CNTNAP2: variants seen among roughly 807,000 people sequenced by gnomAD.
CNTNAP2 encodes the protein contactin associated protein 2, also known as contactin-associated protein-like 2.
Under a neutral mutation model 155.2 loss-of-function variants are expected in CNTNAP2, and 98 were observed. The observed-to-expected ratio is 0.63, with a 90% CI of 0.54 to 0.75. The LOEUF (loss-of-function observed/expected upper bound fraction) is 0.75, where lower values mean the gene tolerates loss of function less well. CNTNAP2 is among the 30% of genes least tolerant of loss of function. The probability of loss-of-function intolerance (pLI) is 0.00; values close to 1 mark genes in which losing one functional copy is unlikely to be tolerated. For synonymous variants in CNTNAP2, 651 were observed against 631.2 expected (o/e 1.03, Z -0.47); for missense variants, 1,727 against 1,688.1 (o/e 1.02, Z -0.40).
At chr7:146,524,146 CAT>C (rs949394704) in intron 1 of CNTNAP2, among the ~76,000 whole-genome samples, 65 of 152,110 alleles carry the variant, frequency 4.3e-4, no homozygotes, top group African/African-American at 1.4e-3. Context: ...CTAGTTGAAA[CAT>C]AGACTCACTA....
chr7:148,199,942 C>A (rs1795341129), intron 18 of CNTNAP2, among the ~76,000 whole-genome samples: 1 of 152,182 alleles, frequency 6.6e-6, no homozygotes, highest in Admixed American at 6.5e-5. Flanking sequence ...GTCCTGGAGT[C>A]CAAAGGCTGG....
At chr7:146,990,570 T>G (rs920994066) in intron 3 of CNTNAP2, among the ~76,000 whole-genome samples, 9 of 152,074 alleles carry the variant, frequency 5.9e-5, no homozygotes, top group African/African-American at 2.2e-4. Flanking sequence ...TTCTCCCTGA[T>G]TTCTCTTCCC....
chr7:146,934,014 C>A (rs202042228), intron 3 of CNTNAP2, among the ~76,000 whole-genome samples: 5 of 152,040 alleles, frequency 3.3e-5, no homozygotes, highest in East Asian at 3.9e-4. Flanking sequence ...TAGTTCAACC[C>A]TTGTGGAAGT....
Position 146,202,452 on chromosome 7 carries a change from T to TA in CNTNAP2, c.97+85485dup, listed in dbSNP as rs1186118910. Among the ~76,000 whole-genome samples the TA allele has an allele frequency of 1.4e-4, 21 of 152,274 alleles. No individual in the cohort carries two copies. In the East Asian group the frequency reaches 2.5e-3, roughly 18 times the overall value. On this transcript the variant is annotated intron_variant, in intron 1 of 23. Transcript: ENST00000361727. Reference sequence around the variant, plus strand: ...ATTCTAATTTGAATGTTAAAAATGTTAAAAAACTTAATGCCTGTGTATAAA... The same window carrying TA: ...ATTCTAATTTGAATGTTAAAAATGTTAAAAAAACTTAATGCCTGTGTATAAA...
intron 13 of CNTNAP2, among the ~76,000 whole-genome samples, chr7:147,666,705 C>T (rs759062073): frequency 2.0e-5 from 3 of 152,102 alleles, no homozygotes; most frequent in Non-Finnish European, 2.9e-5. Context: ...TTATTCATCA[C>T]GGTCCTTAAT....
chr7:146,484,454 A>AT (rs1797025226), intron 1 of CNTNAP2, among the ~76,000 whole-genome samples: 2 of 152,196 alleles, frequency 1.3e-5, no homozygotes, highest in African/African-American at 4.8e-5. Context: ...TAGGTGTGAG[A>AT]TTTTGTTTTA....
At chr7:147,493,208 G>A (rs553383578) in intron 11 of CNTNAP2, among the ~76,000 whole-genome samples, 9 of 152,130 alleles carry the variant, frequency 5.9e-5, no homozygotes, top group Non-Finnish European at 1.3e-4. Context: ...TTCAATAAAT[G>A]CTCTTTGAAA....
chr7:147,848,346 A>G (rs1430346454), intron 13 of CNTNAP2, among the ~76,000 whole-genome samples: 1 of 150,136 alleles, frequency 6.7e-6, no homozygotes, highest in South Asian at 2.1e-4. Flanking sequence ...TTCGGGTGGG[A>G]GTGACCCGAT....
chr7:147,721,390 GTC>G (rs1229513938), intron 13 of CNTNAP2, among the ~76,000 whole-genome samples: 1 of 151,992 alleles, frequency 6.6e-6, no homozygotes, highest in Non-Finnish European at 1.5e-5. Context: ...GTTAACTTTA[GTC>G]TCAAGTAAAC....
intron 1 of CNTNAP2, among the ~76,000 whole-genome samples, chr7:146,348,301 A>G (rs1411883258): frequency 6.6e-6 from 1 of 152,088 alleles, no homozygotes; most frequent in Non-Finnish European, 1.5e-5. Flanking sequence ...GGCAGGCACC[A>G]GTAATCCCAG....
intron 1 of CNTNAP2, among the ~76,000 whole-genome samples, chr7:146,524,795 A>T (rs801961): frequency 0.028 from 4,326 of 152,242 alleles, 201 homozygotes; most frequent in African/African-American, 0.098. Flanking sequence ...AAAGTAAACC[A>T]TAGCAAATCA....
chr7:147,350,349 C>G (rs937149622), intron 9 of CNTNAP2, among the ~76,000 whole-genome samples: 2 of 151,862 alleles, frequency 1.3e-5, no homozygotes, highest in African/African-American at 4.8e-5. Flanking sequence ...GTTGTATTAA[C>G]TTAAATTTTC....
At chr7:147,319,403 A>G (rs2692152) in intron 9 of CNTNAP2, among the ~76,000 whole-genome samples, 74,655 of 152,014 alleles carry the variant, frequency 0.49, 19,499 homozygotes, top group East Asian at 0.73. Flanking sequence ...TTAAGACAAC[A>G]GTCTCACTCT....
chr7:147,213,439 G>T (rs780226603), intron 8 of CNTNAP2, among the ~76,000 whole-genome samples: 16 of 151,990 alleles, frequency 1.1e-4, no homozygotes, highest in Non-Finnish European at 2.1e-4. Flanking sequence ...CAGTTGAGTT[G>T]ACACATCAAA....
At chr7:146,973,783 T>C (rs980611375) in intron 3 of CNTNAP2, among the ~76,000 whole-genome samples, 3 of 152,206 alleles carry the variant, frequency 2.0e-5, no homozygotes, top group South Asian at 2.1e-4. Context: ...TTCTTCCCAA[T>C]TGGCATCATT....
chr7:147,917,999 C>T (rs775462917), intron 14 of CNTNAP2, among the ~76,000 whole-genome samples: 1 of 152,340 alleles, frequency 6.6e-6, no homozygotes, highest in Admixed American at 6.5e-5. Flanking sequence ...GCAGAACCAG[C>T]GCCAGTGCTG....
chr7:147,751,968 C>G (rs142181432), intron 13 of CNTNAP2, among the ~76,000 whole-genome samples: 106 of 150,600 alleles, frequency 7.0e-4, no homozygotes, highest in African/African-American at 2.3e-3. Flanking sequence ...TGGAAGCAAT[C>G]GAGCTGGAAT....
chr7:148,362,168 C>G (rs1422207190), intron 21 of CNTNAP2, among the ~76,000 whole-genome samples: 1 of 151,198 alleles, frequency 6.6e-6, no homozygotes, highest in African/African-American at 2.4e-5. Flanking sequence ...AAGATTGACT[C>G]TAGCCTGGGC....
chr7:146,524,121 G>C (rs567080473), intron 1 of CNTNAP2, among the ~76,000 whole-genome samples: 1 of 152,048 alleles, frequency 6.6e-6, no homozygotes, highest in Non-Finnish European at 1.5e-5. Flanking sequence ...AGTATCATGC[G>C]AGTTTGTCAA....
Sources: allele counts gnomAD v4.1 joint callset (sites outside exome capture counted in the v4.1 genomes callset), GRCh38; gene constraint gnomAD v4.1.1; transcripts MANE v1.5; gene names NCBI Gene and HGNC (gene_info 2026-07-23, HGNC 2026-07-21).